CTNNA2: variants seen among roughly 807,000 people sequenced by gnomAD.
The protein encoded by CTNNA2 is catenin alpha-2.
A neutral mutation model predicts 101.0 loss-of-function variants in CTNNA2; 42 were observed. The ratio of observed to expected loss-of-function variants is 0.42; its 90% CI spans 0.32 to 0.54. The LOEUF (loss-of-function observed/expected upper bound fraction) is 0.54. Ranked by LOEUF, CTNNA2 falls within the 20% of genes least tolerant of loss-of-function variation. The pLI is 0.14. For synonymous variants in CTNNA2, 450 were observed against 456.4 expected (o/e 0.99, Z 0.18); for missense variants, 871 against 1,223.1 (o/e 0.71, Z 4.29).
intron 7 of CTNNA2, among the ~76,000 whole-genome samples, chr2:80,028,822 A>G (rs571710938): frequency 3.4e-4 from 52 of 152,368 alleles, no homozygotes; most frequent in African/African-American, 1.2e-3. Context: ...GATGGCCTCT[A>G]GAAGTGCAAA....
At position 79,851,861 on chromosome 2, in the gene CTNNA2, C is replaced by T. The variant is rs1173183167; in HGVS notation, c.299-6152C>T. ...GACTCAAGCGATACTCCTGTCTCAG[C>T]CTCCTGAGTAGCTGGGATTACAGGT... On this transcript the variant is annotated intron_variant, in intron 3 of 18. Coordinates refer to ENST00000402739, the MANE Select transcript of CTNNA2 (RefSeq NM_001282597.3). Among the ~76,000 whole-genome samples the T allele has an allele frequency of 1.0e-3, 153 of 150,052 alleles. 1 individual carries two copies. Among genetic ancestry groups the T allele is most frequent in the Non-Finnish European group, 1.0e-4 (7 of 67,804 alleles).
At chr2:79,276,730 T>C (rs1334202805) in intron 2 of CTNNA2, among the ~76,000 whole-genome samples, 1 of 152,128 alleles carries the variant, frequency 6.6e-6, no homozygotes, top group Non-Finnish European at 1.5e-5. Context: ...TTGTAATCTA[T>C]GCGTTTTCTC....
chr2:79,980,576 A>G (rs887090930), intron 7 of CTNNA2, among the ~76,000 whole-genome samples: 13 of 152,132 alleles, frequency 8.5e-5, no homozygotes, highest in African/African-American at 3.1e-4. Context: ...TAATATTTAT[A>G]TGGATATTTA....
intron 11 of CTNNA2, among the ~76,000 whole-genome samples, 153 bp from the exon 12 acceptor site, chr2:80,555,540 T>C (rs1389358137): frequency 3.3e-5 from 5 of 152,248 alleles, no homozygotes; most frequent in African/African-American, 4.8e-5. Flanking sequence ...ACTGTTGTAA[T>C]TATAAACTAT....
intron 7 of CTNNA2, among the ~76,000 whole-genome samples, chr2:80,021,280 A>G (rs576003813): frequency 4.2e-4 from 64 of 152,176 alleles, no homozygotes; most frequent in Non-Finnish European, 7.8e-4. Context: ...TCAGCCTCCC[A>G]AAGTGCTGGG....
At chr2:79,729,803 A>T (rs1687089900) in intron 2 of CTNNA2, among the ~76,000 whole-genome samples, 1 of 152,124 alleles carries the variant, frequency 6.6e-6, no homozygotes, top group African/African-American at 2.4e-5. Context: ...AGATGACCCT[A>T]CAGTAAAATA....
At chr2:80,641,049 T>C (rs796615020) in intron 18 of CTNNA2, among the ~76,000 whole-genome samples, 6 of 152,314 alleles carry the variant, frequency 3.9e-5, no homozygotes, top group African/African-American at 1.4e-4. Flanking sequence ...TTTACACATA[T>C]TTAGGGAAAT....
intron 9 of CTNNA2, among the ~76,000 whole-genome samples, chr2:80,476,915 G>C (rs1034673078): frequency 6.6e-6 from 1 of 152,164 alleles, no homozygotes; most frequent in East Asian, 1.9e-4. Flanking sequence ...ATTCATAGGA[G>C]AGAGATGATT....
chr2:79,257,281 C>T (rs1369677017), intron 2 of CTNNA2, among the ~76,000 whole-genome samples: 1 of 152,028 alleles, frequency 6.6e-6, no homozygotes, highest in Non-Finnish European at 1.5e-5. Flanking sequence ...CCCTATTCCA[C>T]ACCAAGCACT....
intron 18 of CTNNA2, among the ~76,000 whole-genome samples, chr2:80,645,736 C>G (rs1009511942): frequency 2.0e-5 from 3 of 151,030 alleles, no homozygotes; most frequent in African/African-American, 7.4e-5. Flanking sequence ...TTTGCTTTTC[C>G]TTAGCTATCT....
intron 7 of CTNNA2, among the ~76,000 whole-genome samples, chr2:80,072,703 A>G (rs1698421820): frequency 1.3e-5 from 2 of 152,100 alleles, no homozygotes; most frequent in Admixed American, 6.5e-5. Flanking sequence ...ACCACATGTC[A>G]TCAGTGAATT....
At chr2:80,279,832 T>C (rs1674223341) in intron 7 of CTNNA2, among the ~76,000 whole-genome samples, 1 of 152,124 alleles carries the variant, frequency 6.6e-6, no homozygotes, top group South Asian at 2.1e-4. Flanking sequence ...TAGGTGATTG[T>C]CTCACCCTGA....
chr2:79,558,290 C>T (rs1323255441), intron 1 of CTNNA2, among the ~76,000 whole-genome samples: 1 of 151,862 alleles, frequency 6.6e-6, no homozygotes, highest in African/African-American at 2.4e-5. Flanking sequence ...TCATTATTAA[C>T]TATAATTTAA....
chr2:80,060,495 T>G (rs953605082), intron 7 of CTNNA2, among the ~76,000 whole-genome samples: 5 of 152,178 alleles, frequency 3.3e-5, no homozygotes, highest in African/African-American at 1.2e-4. Flanking sequence ...CTCCTATTTC[T>G]TACCATATAA....
intron 4 of CTNNA2, among the ~76,000 whole-genome samples, chr2:79,433,276 G>T (rs1018312363): frequency 2.8e-4 from 43 of 152,208 alleles, no homozygotes; most frequent in African/African-American, 1.0e-3. Context: ...GGGGGAACAG[G>T]GACAAGTCAG....
intron 4 of CTNNA2, among the ~76,000 whole-genome samples, chr2:79,383,970 A>G (rs1252267049): frequency 6.6e-6 from 1 of 152,114 alleles, no homozygotes; most frequent in Non-Finnish European, 1.5e-5. Context: ...AGGAGCTATT[A>G]TCTAGGCCCA....
In CTNNA2 at chr2:79,332,749, A is replaced by G. The variant is rs111938168; in HGVS notation, c.-318+19953A>G. On this transcript the variant is annotated intron_variant, in intron 3 of 21. Coordinates refer to the CTNNA2 transcript ENST00000466387. ...ATGACCTTGGAAAAATTTAGTCAAA[A>G]CCCACACCCTGTCCATTTCCAACTT... 7.6e-3 allele frequency among the ~76,000 whole-genome samples: 1,160 copies of G among 152,152 alleles called. 17 individuals are homozygous for G. Among genetic ancestry groups the G allele is most frequent in the African/African-American group, 0.027 (1,100 of 41,504 alleles).
intron 2 of CTNNA2, among the ~76,000 whole-genome samples, chr2:79,250,058 T>C (rs1260559204): frequency 6.6e-6 from 1 of 152,156 alleles, no homozygotes; most frequent in Non-Finnish European, 1.5e-5. Context: ...TACATCCCAT[T>C]GACTGCACTG....
At chr2:80,466,971 C>T (rs1355560393) in intron 9 of CTNNA2, among the ~76,000 whole-genome samples, 2 of 152,176 alleles carry the variant, frequency 1.3e-5, no homozygotes, top group Non-Finnish European at 2.9e-5. Flanking sequence ...ATTGTATCTC[C>T]AAGCCAATGG....
Sources: gnomAD v4.1 joint callset for allele counts (sites outside exome capture counted in the v4.1 genomes callset) on GRCh38, gnomAD v4.1.1 for gene constraint, MANE v1.5 for transcripts, NCBI Gene and HGNC (gene_info 2026-07-23, HGNC 2026-07-21) for gene names.